PTPRG: variants seen among roughly 807,000 people sequenced by gnomAD.
PTPRG encodes protein tyrosine phosphatase receptor type G, also known as receptor-type tyrosine-protein phosphatase gamma.
Under a neutral mutation model 165.3 loss-of-function variants are expected in PTPRG, and 102 were observed. The ratio of observed to expected loss-of-function variants is 0.62; its 90% CI spans 0.53 to 0.73. The LOEUF (loss-of-function observed/expected upper bound fraction) is 0.73, where lower values mean the gene tolerates loss of function less well. Ranked by LOEUF, PTPRG falls within the 30% of genes least tolerant of loss-of-function variation. The pLI, the probability that PTPRG is intolerant of heterozygous loss-of-function variation, is 0.00. For missense variants in PTPRG, 1,866 were observed against 1,861.4 expected (o/e 1.00, Z -0.05); for synonymous variants, 675 against 669.5 (o/e 1.01, Z -0.13).
intron 16 of PTPRG, chr3:62,262,189 C>T (rs1477004256): frequency 6.6e-6 from 1 of 152,110 alleles, no homozygotes; most frequent in African/African-American, 2.4e-5. Context: ...TTTTAAAATA[C>T]TAGAGTTCAC....
intron 2 of PTPRG, among the ~76,000 whole-genome samples, chr3:61,962,390 A>G (rs2040173731): frequency 6.6e-6 from 1 of 152,174 alleles, no homozygotes; most frequent in Non-Finnish European, 1.5e-5. Context: ...CTGTAGTTGC[A>G]TGGCTTGAGG....
intron 2 of PTPRG, among the ~76,000 whole-genome samples, chr3:61,941,488 C>T (rs971816083): frequency 3.3e-5 from 5 of 152,010 alleles, no homozygotes; most frequent in Admixed American, 1.3e-4. Context: ...CCGGGCATGG[C>T]GGTGCATGCC....
intron 4 of PTPRG, among the ~76,000 whole-genome samples, chr3:62,005,795 T>C (rs1338057839): frequency 7.2e-6 from 1 of 138,004 alleles, no homozygotes; most frequent in African/African-American, 2.7e-5. Flanking sequence ...CTCCGCCTCC[T>C]GGGTTCAAGC....
chr3:62,100,175 C>T (rs1251405101), intron 5 of PTPRG, among the ~76,000 whole-genome samples: 1 of 152,056 alleles, frequency 6.6e-6, no homozygotes, highest in African/African-American at 2.4e-5. Flanking sequence ...TCAGCCACAA[C>T]TGCTGTTTAC....
chr3:62,097,494 G>A (rs1357537656), intron 5 of PTPRG, among the ~76,000 whole-genome samples: 7 of 151,756 alleles, frequency 4.6e-5, no homozygotes, highest in Non-Finnish European at 7.4e-5. Context: ...GTATATGAAC[G>A]CGATTGGTGG....
intron 2 of PTPRG, among the ~76,000 whole-genome samples, chr3:61,905,902 A>T (rs985028005): frequency 6.6e-6 from 1 of 152,220 alleles, no homozygotes; most frequent in Non-Finnish European, 1.5e-5. Context: ...CTAATTTTAC[A>T]TGTATTATGT....
At chr3:62,147,437 G>A (rs1487173308) in intron 6 of PTPRG, among the ~76,000 whole-genome samples, 2 of 152,204 alleles carry the variant, frequency 1.3e-5, no homozygotes, top group Admixed American at 1.3e-4. Flanking sequence ...TTTGCTGTGA[G>A]TCCTACTGAA....
chr3:61,827,319 G>C (rs921682140), intron 2 of PTPRG, among the ~76,000 whole-genome samples: 1 of 152,206 alleles, frequency 6.6e-6, no homozygotes, highest in Admixed American at 6.5e-5. Context: ...ATAGGGCTTT[G>C]ATTTTTAGTC....
At chr3:61,941,650 T>G (rs2039632273) in intron 2 of PTPRG, among the ~76,000 whole-genome samples, 1 of 151,936 alleles carries the variant, frequency 6.6e-6, no homozygotes, top group Non-Finnish European at 1.5e-5. Flanking sequence ...CAGGTCGTGA[T>G]TTATAGATGC....
intron 2 of PTPRG, among the ~76,000 whole-genome samples, chr3:61,962,891 A>C (rs1236085548): frequency 2.6e-5 from 4 of 152,142 alleles, no homozygotes; most frequent in Non-Finnish European, 5.9e-5. Context: ...TTGTTTAGTC[A>C]TTTAGTTTTT....
intron 1 of PTPRG, among the ~76,000 whole-genome samples, chr3:61,600,335 A>T (rs1700828454): frequency 6.6e-6 from 1 of 151,824 alleles, no homozygotes. Context: ...CTGCATGAAG[A>T]CTTTGATTTC....
chr3:61,735,411 G>T (rs2032679488), intron 1 of PTPRG, among the ~76,000 whole-genome samples: 1 of 152,160 alleles, frequency 6.6e-6, no homozygotes. Flanking sequence ...TGCTGGAAAG[G>T]AAGCAAATCT....
chr3:61,703,260 A>G (rs2031073493), intron 1 of PTPRG, among the ~76,000 whole-genome samples: 1 of 152,024 alleles, frequency 6.6e-6, no homozygotes, highest in Admixed American at 6.5e-5. Flanking sequence ...TAAACTGCCT[A>G]TCATTTTCCG....
intron 2 of PTPRG, among the ~76,000 whole-genome samples, chr3:61,888,715 C>G (rs1325905972): frequency 1.3e-5 from 2 of 152,150 alleles, no homozygotes; most frequent in Non-Finnish European, 2.9e-5. Flanking sequence ...TCTCTCAATC[C>G]TTATTCTAAG....
At chr3:62,137,982 A>G (rs1230959357) in intron 6 of PTPRG, among the ~76,000 whole-genome samples, 1 of 152,224 alleles carries the variant, frequency 6.6e-6, no homozygotes, top group East Asian at 1.9e-4. Flanking sequence ...TAAGAGGATC[A>G]GCTTCAATGA....
At chr3:61,819,094 C>CT (rs1295475167) in intron 2 of PTPRG, among the ~76,000 whole-genome samples, 2 of 151,550 alleles carry the variant, frequency 1.3e-5, no homozygotes, top group East Asian at 1.9e-4. Flanking sequence ...TCTTGTGAAA[C>CT]TTTTTTTTTC....
intron 2 of PTPRG, among the ~76,000 whole-genome samples, chr3:61,806,092 T>C (rs1381571139): frequency 6.6e-6 from 1 of 152,192 alleles, no homozygotes; most frequent in Non-Finnish European, 1.5e-5. Flanking sequence ...TTTTGTTGAA[T>C]TGATAAGCAT....
chr3:61,962,789 T>G (rs1370172546), intron 2 of PTPRG, among the ~76,000 whole-genome samples: 2 of 152,194 alleles, frequency 1.3e-5, no homozygotes, highest in African/African-American at 4.8e-5. Context: ...AGAGAGCTGT[T>G]TAGATAAGAT....
At chr3:62,013,789 T>C (rs1037029231) in intron 4 of PTPRG, among the ~76,000 whole-genome samples, 17 of 152,148 alleles carry the variant, frequency 1.1e-4, no homozygotes, top group East Asian at 7.7e-4. Context: ...GGTTTTTTTT[T>C]TTCTTCTTCT....
Sources: allele counts gnomAD v4.1 joint callset (sites outside exome capture counted in the v4.1 genomes callset), GRCh38; gene constraint gnomAD v4.1.1; transcripts MANE v1.5; gene names NCBI Gene and HGNC (gene_info 2026-07-23, HGNC 2026-07-21).